Variants in FYN observed in about 807,000 individuals in gnomAD.
FYN encodes the protein FYN proto-oncogene, Src family tyrosine kinase.
A neutral mutation model predicts 70.2 loss-of-function variants in FYN; 10 were observed. The ratio of observed to expected loss-of-function variants is 0.14; its 90% CI spans 0.09 to 0.24. FYN has a LOEUF of 0.24. Among genes scored for constraint, FYN ranks in the 10% least tolerant of loss-of-function variants. FYN has a pLI of 1.00. For synonymous variants in FYN, 236 were observed against 248.6 expected, an observed-to-expected ratio of 0.95 and a Z score of 0.48; for missense variants, 319 against 673.1, an observed-to-expected ratio of 0.47 and a Z score of 5.82.
chr6:111,773,322 G>A (rs1318956324), intron 3 of FYN, among the ~76,000 whole-genome samples: 8 of 88,118 alleles, frequency 9.1e-5, no homozygotes, highest in South Asian at 1.1e-3. Flanking sequence ...AGAGGGGAGG[G>A]GGAGGGAGAG....
intron 1 of FYN, among the ~76,000 whole-genome samples, chr6:111,872,269 C>T (rs1774297558): frequency 6.6e-6 from 1 of 151,782 alleles, no homozygotes; most frequent in African/African-American, 2.4e-5. Context: ...ACAAAAACAG[C>T]CATGGATCTA....
At chr6:111,864,239 A>G (rs1257053959) in intron 1 of FYN, among the ~76,000 whole-genome samples, 1 of 152,170 alleles carries the variant, frequency 6.6e-6, no homozygotes, top group Non-Finnish European at 1.5e-5. Flanking sequence ...CACAGTTTAC[A>G]ATCTCATTAA....
intron 5 of FYN, among the ~76,000 whole-genome samples, chr6:111,712,801 C>T (rs1277686207): frequency 6.6e-6 from 1 of 152,202 alleles, no homozygotes; most frequent in Non-Finnish European, 1.5e-5. Flanking sequence ...TCTTCTTGAC[C>T]TGGCTGGTGG....
At position 111,842,419 on chromosome 6, in the gene FYN, G is replaced by A. The variant is rs559006905; in HGVS notation, c.-82+4170C>T. On this transcript the variant is annotated intron_variant, in intron 2 of 13. Transcript: ENST00000354650. ...AGCAATGGCTCCCACAAATGGCAGG[G>A]AGTTGTGCTTATGCTATTCTTCCCT... 2.0e-5 allele frequency among the ~76,000 whole-genome samples: 3 copies of A among 152,224 alleles called. No individual in the cohort carries two copies. In the East Asian group the frequency reaches 5.8e-4, roughly 29 times the overall value.
chr6:111,669,158 G>A (rs1184946295), intron 13 of FYN, among the ~76,000 whole-genome samples: 1 of 152,070 alleles, frequency 6.6e-6, no homozygotes, highest in Non-Finnish European at 1.5e-5. Flanking sequence ...TTCCTGGCCT[G>A]GTGCAGTGGC....
At chr6:111,791,869 T>G (rs879730589) in intron 2 of FYN, among the ~76,000 whole-genome samples, 7 of 152,230 alleles carry the variant, frequency 4.6e-5, no homozygotes, top group African/African-American at 1.7e-4. Flanking sequence ...TTCCACCGTA[T>G]ACCATGCAAA....
intron 2 of FYN, among the ~76,000 whole-genome samples, chr6:111,814,419 T>C (rs925440786): frequency 1.1e-4 from 17 of 152,248 alleles, no homozygotes; most frequent in Admixed American, 6.5e-4. Flanking sequence ...AAAAGATTTT[T>C]TTTCACTGCA....
intron 13 of FYN, among the ~76,000 whole-genome samples, chr6:111,667,852 C>T (rs1332732728): frequency 1.3e-5 from 2 of 152,206 alleles, no homozygotes; most frequent in African/African-American, 4.8e-5. Context: ...AAGTGTTACC[C>T]GTCCATGTTT....
At chr6:111,804,704 A>G (rs142119591) in intron 2 of FYN, among the ~76,000 whole-genome samples, 1 of 152,350 alleles carries the variant, frequency 6.6e-6, no homozygotes, top group African/African-American at 2.4e-5. Flanking sequence ...AGAAAAGAAA[A>G]CGAGGGCTGT....
intron 3 of FYN, among the ~76,000 whole-genome samples, chr6:111,760,279 A>G (rs1802945276): frequency 6.6e-6 from 1 of 152,150 alleles, no homozygotes; most frequent in South Asian, 2.1e-4. Flanking sequence ...CCAAAGAGAG[A>G]GCAAACCCGC....
At chr6:111,714,222 T>C (rs1337696896) in intron 5 of FYN, 125 bp downstream of exon 5, 4 of 661,580 alleles carry the variant, frequency 6.0e-6, no homozygotes, top group Non-Finnish European at 1.1e-5. Flanking sequence ...TATATTGTTG[T>C]AAACCAGTGA....
At position 111,661,913 on chromosome 6, in the gene FYN, C is replaced by T. The variant is rs772767299; in HGVS notation, c.1440G>A (p.Glu480=). 1.9e-6 allele frequency: 3 copies of T among 1,613,356 alleles called. No homozygotes were observed. In the East Asian group the frequency reaches 6.7e-5, roughly 36 times the overall value. Residue 480 remains glutamate, a synonymous_variant, in exon 14 of 14, where the codon GAG becomes GAA. Coordinates refer to ENST00000354650, the MANE Select transcript of FYN (RefSeq NM_002037.5). This position sits in a 1 kb window ranked among gnomAD's most constrained non-coding sequence, Gnocchi z 4.0. ...MNNREVLEQV[E]RGYRMPCPQD... is the part of the protein sequence containing the mutation. ...GCGGGCAGGGCATCCTGTAGCCTCG[C>T]TCCACCTGCTCCAGCACCTCCCGGT...
At chr6:111,696,702 T>A in intron 9 of FYN, 1 of 375,906 alleles carries the variant, frequency 2.7e-6, no homozygotes. Flanking sequence ...TTTTTAAATT[T>A]TGATATATTA....
intron 2 of FYN, among the ~76,000 whole-genome samples, chr6:111,835,830 G>A (rs1030113858): frequency 6.8e-6 from 1 of 147,160 alleles, no homozygotes; most frequent in Non-Finnish European, 1.5e-5. Context: ...AAAAGTGTGT[G>A]GGGGGAGGGG....
At chr6:111,700,875 T>C (rs562413225) in intron 8 of FYN, among the ~76,000 whole-genome samples, 2 of 152,114 alleles carry the variant, frequency 1.3e-5, no homozygotes, top group Non-Finnish European at 2.9e-5. Context: ...AGATTATAAC[T>C]GGTGGGGAAA....
intron 3 of FYN, among the ~76,000 whole-genome samples, chr6:111,767,760 G>A (rs1275044881): frequency 6.6e-6 from 1 of 152,182 alleles, no homozygotes; most frequent in Non-Finnish European, 1.5e-5. Context: ...CTAATGGTTT[G>A]TTAGAAGAGA....
chr6:111,712,326 G>A (rs1411995304), intron 5 of FYN, among the ~76,000 whole-genome samples: 1 of 152,154 alleles, frequency 6.6e-6, no homozygotes, highest in Non-Finnish European at 1.5e-5. Flanking sequence ...CTAAGGGGCG[G>A]AGGATTTCAG....
intron 1 of FYN, among the ~76,000 whole-genome samples, chr6:111,870,786 C>G (rs1371811814): frequency 6.6e-6 from 1 of 152,178 alleles, no homozygotes; most frequent in Non-Finnish European, 1.5e-5. Context: ...TTGGAGATTC[C>G]AGACCCAGGA....
chr6:111,857,455 C>T (rs1181478934), intron 1 of FYN, among the ~76,000 whole-genome samples: 5 of 152,130 alleles, frequency 3.3e-5, no homozygotes, highest in Non-Finnish European at 5.9e-5. Context: ...ACACTTCTTG[C>T]CCCAAATGAA....
Sources: allele counts gnomAD v4.1 joint callset (sites outside exome capture counted in the v4.1 genomes callset), GRCh38; gene constraint gnomAD v4.1.1; non-coding constraint Gnocchi (gnomAD v3.1); transcripts MANE v1.5; gene names NCBI Gene and HGNC (gene_info 2026-07-23, HGNC 2026-07-21).